The following KAT6B variants were observed in gnomAD, a reference collection of about 807,000 sequenced individuals.
The protein encoded by KAT6B is lysine acetyltransferase 6B, also known as histone acetyltransferase KAT6B.
KAT6B carries 10 observed loss-of-function variants against 187.5 expected under a neutral mutation model. The observed-to-expected ratio is 0.05, with a 90% CI of 0.03 to 0.09. The LOEUF (loss-of-function observed/expected upper bound fraction) is 0.09. Ranked by LOEUF, KAT6B falls within the 10% of genes least tolerant of loss-of-function variation. The probability of loss-of-function intolerance (pLI) is 1.00; values close to 1 mark genes in which losing one functional copy is unlikely to be tolerated. For synonymous variants in KAT6B, 861 were observed against 926.8 expected, an observed-to-expected ratio of 0.93 and a Z score of 1.29; for missense variants, 1,952 against 2,558.9, an observed-to-expected ratio of 0.76 and a Z score of 5.12.
chr10:74,925,067 A>G (rs1216287726), intron 3 of KAT6B, among the ~76,000 whole-genome samples: 1 of 152,108 alleles, frequency 6.6e-6, no homozygotes, highest in Admixed American at 6.6e-5. Flanking sequence ...TTATTTTTTG[A>G]GAAGGAGTCT....
chr10:74,988,892 C>A, intron 12 of KAT6B, 127 bp from the exon 13 acceptor site: 354 of 695,974 alleles, frequency 5.1e-4, no homozygotes, highest in Middle Eastern at 1.1e-3. Context: ...TAGGATTTTT[C>A]TGCTTGATCC....
At chr10:74,885,974 T>C (rs1442259491) in intron 3 of KAT6B, among the ~76,000 whole-genome samples, 2 of 152,092 alleles carry the variant, frequency 1.3e-5, no homozygotes, top group South Asian at 2.1e-4. Context: ...CTTGTGATCC[T>C]CCCACCTTGG....
chr10:74,881,713 G>A (rs909218427), intron 3 of KAT6B, among the ~76,000 whole-genome samples: 7 of 152,168 alleles, frequency 4.6e-5, no homozygotes, highest in African/African-American at 1.7e-4. Flanking sequence ...GAGTGCAGTG[G>A]TGTAATCGTA....
rs41448848 is a variant in KAT6B at position 75,021,066 on chromosome 10, T to C, written c.2862-60T>C. ...ATTAGTGCTAGCATATGTCCGTATG[T>C]GAAGCTGAAGTGAAATTTCAGCTTG... is the stretch of plus-strand genomic sequence containing the variant. On this transcript the variant is annotated intron_variant, in intron 14 of 17. Coordinates refer to ENST00000287239, the MANE Select transcript of KAT6B (RefSeq NM_012330.4). The C allele has an allele frequency of 7.5e-3, 11,311 of 1,510,924 alleles. 49 individuals carry two copies. The highest frequency in any genetic ancestry group is 9.3e-3 in the Non-Finnish European group (10,090 of 1,086,340). The allele number at this position is 1,510,924 out of a possible 1,614,324, so 93.6% of individuals were successfully genotyped here. A position where few individuals can be genotyped will look rare whatever the true frequency, so the allele number is the denominator to read the frequency against.
intron 3 of KAT6B, among the ~76,000 whole-genome samples, chr10:74,879,530 G>C (rs546300320): frequency 1.3e-5 from 2 of 152,314 alleles, no homozygotes; most frequent in South Asian, 4.1e-4. Context: ...CTTGGTGCTC[G>C]TGAGATTTTG....
At chr10:74,934,662 G>A (rs1849115873) in intron 3 of KAT6B, among the ~76,000 whole-genome samples, 2 of 152,044 alleles carry the variant, frequency 1.3e-5, no homozygotes, top group African/African-American at 4.8e-5. Context: ...GTTCCTCTAG[G>A]CAGCACCTTC....
At chr10:74,991,949 C>T (rs1298545154) in intron 13 of KAT6B, among the ~76,000 whole-genome samples, 1 of 152,144 alleles carries the variant, frequency 6.6e-6, no homozygotes. Context: ...TGATTGAAAT[C>T]CAGCCTTTGA....
At chr10:74,990,568 A>T (rs1399039377) in intron 13 of KAT6B, among the ~76,000 whole-genome samples, 1 of 152,168 alleles carries the variant, frequency 6.6e-6, no homozygotes, top group Non-Finnish European at 1.5e-5. Context: ...TTAGTTATTT[A>T]TTAATTACCC....
rs959671384 is a variant in KAT6B at position 74,874,544 on chromosome 10, A to G, written c.621+31066A>G. 5.9e-5 allele frequency among the ~76,000 whole-genome samples: 9 copies of G among 151,944 alleles called. No individual in the cohort carries two copies. In the South Asian group the frequency reaches 6.2e-4, roughly 11 times the overall value. ...CAGCCATGCGCCACCACACCCAGCTAATTTTTTGTAGTTTTAGTAGAGACA... is the reference window on the plus strand; with the variant it reads ...CAGCCATGCGCCACCACACCCAGCTGATTTTTTGTAGTTTTAGTAGAGACA... On this transcript the variant is annotated intron_variant, in intron 3 of 17. Coordinates refer to ENST00000287239, the MANE Select transcript of KAT6B (RefSeq NM_012330.4).
chr10:75,018,553 G>C (rs1488838358), intron 13 of KAT6B, among the ~76,000 whole-genome samples: 1 of 152,210 alleles, frequency 6.6e-6, no homozygotes, highest in Admixed American at 6.5e-5. Flanking sequence ...TGGGTTTTCT[G>C]ATGCTGGCTG....
At chr10:74,930,287 G>A (rs541277663) in intron 3 of KAT6B, among the ~76,000 whole-genome samples, 1 of 152,038 alleles carries the variant, frequency 6.6e-6, no homozygotes, top group African/African-American at 2.4e-5. Context: ...GACCTCTTTT[G>A]TACCAGATAT....
At chr10:74,953,559 T>C (rs1254589966) in intron 3 of KAT6B, among the ~76,000 whole-genome samples, 1 of 152,148 alleles carries the variant, frequency 6.6e-6, no homozygotes, top group Non-Finnish European at 1.5e-5. Context: ...GAATGAAAAA[T>C]GCTGAACTGT....
At chr10:74,946,650 T>C (rs1839970567) in intron 3 of KAT6B, among the ~76,000 whole-genome samples, 2 of 152,066 alleles carry the variant, frequency 1.3e-5, no homozygotes, top group South Asian at 4.2e-4. Flanking sequence ...AGTGTCTGAG[T>C]CCACTTAAAT....
chr10:74,870,786 A>G (rs1843877392), intron 3 of KAT6B, among the ~76,000 whole-genome samples: 1 of 151,908 alleles, frequency 6.6e-6, no homozygotes, highest in South Asian at 2.1e-4. Context: ...CATGTTGGTC[A>G]GGCTGGCCTC....
chr10:75,005,205 C>T (rs1317000511), intron 13 of KAT6B, among the ~76,000 whole-genome samples: 1 of 150,862 alleles, frequency 6.6e-6, no homozygotes, highest in Non-Finnish European at 1.5e-5. Context: ...GATGGCATTT[C>T]GTTTTTTTGT....
chr10:75,028,476 T>C lies in KAT6B; in HGVS notation c.3665-13T>C. 1 of 1,614,160 alleles carries C rather than the reference T, an allele frequency of 6.2e-7. No homozygotes were observed. Among genetic ancestry groups the C allele is most frequent in the African/African-American group, 1.3e-5 (1 of 75,036 alleles). On this transcript the variant is annotated splice_polypyrimidine_tract_variant and intron_variant, in intron 17 of 17. Transcript: ENST00000287239. ...CTGTTTTTTTTCCTTCCCGTTTTTG[T>C]CTCTTCACTAAGACAATATGAATGA...
chr10:74,971,913 T>G (rs558061436), intron 6 of KAT6B, among the ~76,000 whole-genome samples: 30 of 152,286 alleles, frequency 2.0e-4, no homozygotes, highest in African/African-American at 6.7e-4. Flanking sequence ...CTCCACTGAT[T>G]TAAAATATGA....
chr10:74,830,731 CATATATATATATATATATAT>C (rs1198969374), intron 1 of KAT6B, among the ~76,000 whole-genome samples: 24 of 17,206 alleles, frequency 1.4e-3, no homozygotes, highest in South Asian at 3.6e-3. Context: ...CACAGCTCTT[CATATATATATATATATATAT>C]ATATATATAT....
intron 3 of KAT6B, among the ~76,000 whole-genome samples, chr10:74,882,089 A>T (rs1350875207): frequency 6.6e-6 from 1 of 152,204 alleles, no homozygotes; most frequent in Non-Finnish European, 1.5e-5. Flanking sequence ...CCTGAGGTGG[A>T]TGTGTCTGCT....
Sources: allele counts gnomAD v4.1 joint callset (sites outside exome capture counted in the v4.1 genomes callset), GRCh38; gene constraint gnomAD v4.1.1; transcripts MANE v1.5; gene names NCBI Gene and HGNC (gene_info 2026-07-23, HGNC 2026-07-21).